SNX10: variants seen among roughly 807,000 people sequenced by gnomAD.
SNX10 encodes sorting nexin-10.
A neutral mutation model predicts 28.5 loss-of-function variants in SNX10; 25 were observed. That is an observed-to-expected ratio of 0.88 (90% CI 0.64 to 1.22). The LOEUF (loss-of-function observed/expected upper bound fraction) is 1.22. SNX10 is among the 50% of genes most tolerant of loss of function. The probability of loss-of-function intolerance (pLI) is 0.00; values close to 1 mark genes in which losing one functional copy is unlikely to be tolerated. For missense variants in SNX10, 223 were observed against 242.6 expected, an observed-to-expected ratio of 0.92 and a Z score of 0.54; for synonymous variants, 62 against 81.4, an observed-to-expected ratio of 0.76 and a Z score of 1.28.
intron 1 of SNX10, among the ~76,000 whole-genome samples, chr7:26,299,142 T>G (rs1275887549): frequency 6.6e-6 from 1 of 152,156 alleles, no homozygotes; most frequent in Admixed American, 6.5e-5. Flanking sequence ...AGACAGTCAT[T>G]ACCTGTGGAG....
intron 2 of SNX10, among the ~76,000 whole-genome samples, chr7:26,352,207 G>A (rs1788636155): frequency 6.6e-6 from 1 of 152,062 alleles, no homozygotes; most frequent in Non-Finnish European, 1.5e-5. Flanking sequence ...AGATTGTATA[G>A]TGAATAAACC....
chr7:26,365,092 C>T lies in SNX10; in HGVS notation c.258C>T (p.Asn86=). 1.2e-6 allele frequency: 2 copies of T among 1,613,186 alleles called. 1 individual carries two copies. The highest frequency in any genetic ancestry group is 2.2e-5 in the South Asian group (2 of 91,054). ...LPSKNLFFNM[N]NRQHVDQRRQ... ...CTAAAAACCTGTTTTTCAACATGAA[C>T]AATCGCCAGCACGTGGATCAGCGTC... The change falls in exon 5 of 7, where the codon AAC becomes AAT. Residue 86 remains asparagine, a synonymous_variant. Transcript: ENST00000338523.
chr7:26,327,663 T>G (rs1208903309), intron 1 of SNX10, among the ~76,000 whole-genome samples: 1 of 152,106 alleles, frequency 6.6e-6, no homozygotes, highest in African/African-American at 2.4e-5. Context: ...CATAAAAATT[T>G]TTTTGGTTTA....
At chr7:26,341,575 A>G (rs1788179676) in intron 1 of SNX10, among the ~76,000 whole-genome samples, 1 of 151,668 alleles carries the variant, frequency 6.6e-6, no homozygotes, top group Non-Finnish European at 1.5e-5. Context: ...ACTCACTGCA[A>G]CCTTGGCTTC....
At chr7:26,332,764 A>G (rs919667505) in intron 1 of SNX10, among the ~76,000 whole-genome samples, 4 of 152,168 alleles carry the variant, frequency 2.6e-5, no homozygotes, top group African/African-American at 9.7e-5. Flanking sequence ...ATAAGGTAGG[A>G]GCTCAACTTC....
intron 5 of SNX10, chr7:26,370,719 TATAAG>T (rs1323072056): frequency 6.6e-6 from 1 of 152,186 alleles, no homozygotes; most frequent in Non-Finnish European, 1.5e-5. Context: ...ACAAGCAGAA[TATAAG>T]GTAAGGTTCA....
intron 5 of SNX10, among the ~76,000 whole-genome samples, chr7:26,365,984 CAG>C (rs1789274637): frequency 6.6e-6 from 1 of 152,166 alleles, no homozygotes; most frequent in Non-Finnish European, 1.5e-5. Flanking sequence ...GCACTCATGA[CAG>C]TGTCTGGCAT....
At chr7:26,327,764 C>G (rs1229443748) in intron 1 of SNX10, among the ~76,000 whole-genome samples, 1 of 118,028 alleles carries the variant, frequency 8.5e-6, no homozygotes, top group Non-Finnish European at 1.6e-5. Context: ...GTGTCTCGCT[C>G]TATCCCCCAG....
chr7:26,303,081 T>C (rs1786438852), intron 1 of SNX10, among the ~76,000 whole-genome samples: 1 of 152,230 alleles, frequency 6.6e-6, no homozygotes, highest in Admixed American at 6.5e-5. Flanking sequence ...TAAAATCAGC[T>C]ACTAAGAATT....
intron 1 of SNX10, among the ~76,000 whole-genome samples, chr7:26,328,287 C>T (rs930591173): frequency 3.9e-5 from 6 of 152,230 alleles, no homozygotes; most frequent in Admixed American, 6.5e-5. Context: ...CTTGAGCCAC[C>T]GTGTGGATGC....
chr7:26,352,354 A>C (rs2128015901), intron 2 of SNX10, among the ~76,000 whole-genome samples: 2 of 152,306 alleles, frequency 1.3e-5, no homozygotes, highest in South Asian at 4.1e-4. Flanking sequence ...CCAGGAGTTC[A>C]AGGCTGCATT....
intron 1 of SNX10, among the ~76,000 whole-genome samples, chr7:26,300,791 G>A (rs991054006): frequency 6.6e-6 from 1 of 151,994 alleles, no homozygotes; most frequent in Non-Finnish European, 1.5e-5. Context: ...TGCTAAGGTG[G>A]GTGAATCACT....
At chr7:26,297,341 G>A (rs868310082) in intron 1 of SNX10, among the ~76,000 whole-genome samples, 25 of 152,232 alleles carry the variant, frequency 1.6e-4, no homozygotes, top group South Asian at 1.5e-3. Flanking sequence ...TGACCCGCCC[G>A]TCTCGGCCTC....
intron 1 of SNX10, among the ~76,000 whole-genome samples, chr7:26,317,726 G>C (rs557076621): frequency 6.9e-6 from 1 of 144,186 alleles, no homozygotes; most frequent in African/African-American, 2.6e-5. Flanking sequence ...GCAGTGGCAC[G>C]ATCTCGGCTC....
chr7:26,306,361 C>A (rs1786592379), intron 1 of SNX10, among the ~76,000 whole-genome samples: 1 of 151,872 alleles, frequency 6.6e-6, no homozygotes, highest in Non-Finnish European at 1.5e-5. Context: ...TTAAAATATT[C>A]TGCTCCCTAA....
chr7:26,333,322 CTTTTT>C (rs10636369), intron 1 of SNX10, among the ~76,000 whole-genome samples: 1 of 113,678 alleles, frequency 8.8e-6, no homozygotes, highest in Non-Finnish European at 1.8e-5. Context: ...GTATTTTATT[CTTTTT>C]TTTTTTTTTT....
chr7:26,369,142 A>G (rs549926719), intron 5 of SNX10, among the ~76,000 whole-genome samples: 2 of 152,196 alleles, frequency 1.3e-5, no homozygotes, highest in Non-Finnish European at 2.9e-5. Flanking sequence ...TTAAAATCCT[A>G]GAGGCTATTT....
intron 1 of SNX10, among the ~76,000 whole-genome samples, chr7:26,321,277 A>C (rs1787298064): frequency 6.6e-6 from 1 of 152,166 alleles, no homozygotes; most frequent in Admixed American, 6.5e-5. Context: ...TCCTTTTGAA[A>C]TTTATGAAGG....
chr7:26,367,180 T>A (rs2699814), intron 5 of SNX10, among the ~76,000 whole-genome samples: 74,968 of 151,942 alleles, frequency 0.49, 18,588 homozygotes, highest in Middle Eastern at 0.63. Flanking sequence ...AAAAAAACTC[T>A]AAAAACCATG....
Sources: gnomAD v4.1 joint callset for allele counts (sites outside exome capture counted in the v4.1 genomes callset) on GRCh38, gnomAD v4.1.1 for gene constraint, MANE v1.5 for transcripts, NCBI Gene and HGNC (gene_info 2026-07-23, HGNC 2026-07-21) for gene names.